Variants in DEPTOR observed in about 807,000 individuals in gnomAD.
DEPTOR encodes the protein DEP domain-containing mTOR-interacting protein.
Under a neutral mutation model 41.6 loss-of-function variants are expected in DEPTOR, and 41 were observed. The ratio of observed to expected loss-of-function variants is 0.98; its 90% CI spans 0.77 to 1.28. DEPTOR has a LOEUF of 1.28. Ranked by LOEUF, DEPTOR falls within the 50% of genes most tolerant of loss-of-function variation. DEPTOR has a pLI of 0.00. For missense variants in DEPTOR, 514 were observed against 527.9 expected, an observed-to-expected ratio of 0.97 and a Z score of 0.26; for synonymous variants, 195 against 192.3, an observed-to-expected ratio of 1.01 and a Z score of -0.12.
At chr8:119,888,924 C>A (rs1032846515) in intron 1 of DEPTOR, among the ~76,000 whole-genome samples, 4 of 143,068 alleles carry the variant, frequency 2.8e-5, no homozygotes, top group Admixed American at 1.4e-4. Context: ...GAGGTAAAAT[C>A]AATTTTATGA....
intron 4 of DEPTOR, among the ~76,000 whole-genome samples, chr8:119,966,512 T>A: frequency 6.6e-6 from 1 of 152,004 alleles, no homozygotes. Flanking sequence ...TAAGGCAGAG[T>A]CTCCTTCCGT....
At chr8:119,907,977 C>G (rs1456225524) in intron 1 of DEPTOR, among the ~76,000 whole-genome samples, 1 of 152,086 alleles carries the variant, frequency 6.6e-6, no homozygotes. Flanking sequence ...AATAAAGTGA[C>G]TCAGGGTGGG....
intron 1 of DEPTOR, among the ~76,000 whole-genome samples, chr8:119,904,254 A>G (rs1349252376): frequency 2.0e-5 from 3 of 151,120 alleles, no homozygotes. Context: ...GAGTAGTTGG[A>G]ACTACAGGTG....
At chr8:119,940,752 A>G (rs1828192566) in intron 3 of DEPTOR, among the ~76,000 whole-genome samples, 1 of 152,188 alleles carries the variant, frequency 6.6e-6, no homozygotes, top group South Asian at 2.1e-4. Context: ...TTAAAAAAAG[A>G]ATAATAATTT....
At chr8:119,983,853 C>G (rs945209571) in intron 4 of DEPTOR, among the ~76,000 whole-genome samples, 25 of 152,162 alleles carry the variant, frequency 1.6e-4, no homozygotes, top group African/African-American at 5.8e-4. Context: ...TGCTATCTTC[C>G]TTTTCTGAAC....
chr8:119,992,632 C>T (rs1812189553), intron 4 of DEPTOR, among the ~76,000 whole-genome samples: 1 of 151,416 alleles, frequency 6.6e-6, no homozygotes, highest in Non-Finnish European at 1.5e-5. Context: ...GACCTTCCTC[C>T]TTCCAACTAG....
At chr8:119,921,921 C>T (rs1043396929) in intron 1 of DEPTOR, among the ~76,000 whole-genome samples, 11 of 151,726 alleles carry the variant, frequency 7.2e-5, no homozygotes, top group Admixed American at 2.0e-4. Context: ...CCACCACACC[C>T]GGCTAATTAT....
At chr8:119,956,090 G>C (rs1828413790) in intron 3 of DEPTOR, among the ~76,000 whole-genome samples, 1 of 152,098 alleles carries the variant, frequency 6.6e-6, no homozygotes, top group Admixed American at 6.6e-5. Flanking sequence ...GAGCTGCCCA[G>C]GTGAACCCCA....
intron 1 of DEPTOR, among the ~76,000 whole-genome samples, chr8:119,922,786 A>G (rs1285002853): frequency 2.6e-5 from 4 of 152,212 alleles, no homozygotes; most frequent in African/African-American, 9.6e-5. Flanking sequence ...GTGAGAACCA[A>G]GTCTTTGTAT....
intron 1 of DEPTOR, among the ~76,000 whole-genome samples, chr8:119,909,642 GCT>G (rs1827711201): frequency 6.6e-6 from 1 of 152,222 alleles, no homozygotes; most frequent in South Asian, 2.1e-4. Context: ...GACTAAATAT[GCT>G]CTTTCAAATA....
chr8:120,006,043 T>G (rs1030629010), intron 6 of DEPTOR, among the ~76,000 whole-genome samples: 3 of 152,118 alleles, frequency 2.0e-5, no homozygotes, highest in Non-Finnish European at 4.4e-5. Flanking sequence ...AATTTAACTT[T>G]TCTAAGGTTG....
rs13248760 is a variant in DEPTOR, at chr8:119,953,646, C to T, written c.426-11586C>T. Among the ~76,000 whole-genome samples the T allele has an allele frequency of 8.9e-3, 1,347 of 151,344 alleles. 7 individuals are homozygous for T. The highest frequency in any genetic ancestry group is 0.027 in the Middle Eastern group (8 of 294). ...GATTGGACAAAAAGGGTATGATCTA[C>T]GGTTAATAGACTCAGTGGGGAAACC... On this transcript the variant is annotated intron_variant, in intron 3 of 8. Transcript: ENST00000286234.
chr8:119,895,873 C>A (rs186590245), intron 1 of DEPTOR, among the ~76,000 whole-genome samples: 2 of 152,286 alleles, frequency 1.3e-5, no homozygotes, highest in East Asian at 3.9e-4. Context: ...TACACCGATG[C>A]TTTGAAATGA....
intron 3 of DEPTOR, among the ~76,000 whole-genome samples, chr8:119,949,827 A>C (rs1193016549): frequency 6.6e-6 from 1 of 151,566 alleles, no homozygotes; most frequent in Admixed American, 6.6e-5. Flanking sequence ...TTACAGGTGC[A>C]CGCCACCATG....
chr8:119,989,405 A>C (rs1449750124), intron 4 of DEPTOR, among the ~76,000 whole-genome samples: 2 of 152,196 alleles, frequency 1.3e-5, no homozygotes, highest in Non-Finnish European at 2.9e-5. Context: ...TTGTTTTGCA[A>C]GCTTGTCTGC....
chr8:119,961,199 C>T (rs977672323), intron 3 of DEPTOR, among the ~76,000 whole-genome samples: 1 of 151,850 alleles, frequency 6.6e-6, no homozygotes, highest in Admixed American at 6.6e-5. Flanking sequence ...GGTGGATCAC[C>T]TGAGGTTGGG....
chr8:119,921,196 C>T (rs1165854868), intron 1 of DEPTOR, among the ~76,000 whole-genome samples: 2 of 152,098 alleles, frequency 1.3e-5, no homozygotes, highest in African/African-American at 4.8e-5. Context: ...AGGTTGGTCT[C>T]GAACTCCTGA....
rs1441554134 is a variant in DEPTOR, at chr8:120,050,691, A to T, written c.*987A>T. 6.6e-6 allele frequency: 1 copy of T among 152,194 alleles called. No homozygotes were observed. Among genetic ancestry groups the T allele is most frequent in the Non-Finnish European group, 1.5e-5 (1 of 68,040 alleles). The allele number at this position is 152,194 out of a possible 1,614,324, so 9.4% of individuals were successfully genotyped here. ...TTTGGGGGGATTATTTTTCACCAAA[A>T]TGATCATCTTGTGTTGTAACTTTTC... On this transcript the variant is annotated 3_prime_UTR_variant, in exon 9 of 9. Transcript: ENST00000286234.
At chr8:120,008,271 G>A (rs1191619264) in intron 7 of DEPTOR, among the ~76,000 whole-genome samples, 6 of 152,142 alleles carry the variant, frequency 3.9e-5, no homozygotes, top group African/African-American at 1.4e-4. Context: ...GCTCACGCCT[G>A]TAATCCCAGC....
Sources: allele counts gnomAD v4.1 joint callset (sites outside exome capture counted in the v4.1 genomes callset), GRCh38; gene constraint gnomAD v4.1.1; transcripts MANE v1.5; gene names NCBI Gene and HGNC (gene_info 2026-07-23, HGNC 2026-07-21).